TSPAN13: variants seen among roughly 807,000 people sequenced by gnomAD.
TSPAN13 encodes tetraspanin-13.
In TSPAN13, 18 loss-of-function variants were observed where a neutral mutation model predicts 26.9. That is an observed-to-expected ratio of 0.67 (90% CI 0.46 to 0.99). The LOEUF (loss-of-function observed/expected upper bound fraction) is 0.99. Ranked by LOEUF, TSPAN13 falls within the 50% of genes least tolerant of loss-of-function variation. The pLI, the probability that TSPAN13 is intolerant of heterozygous loss-of-function variation, is 0.00. For missense variants in TSPAN13, 201 were observed against 249.6 expected, an observed-to-expected ratio of 0.81 and a Z score of 1.31; for synonymous variants, 116 against 98.4, an observed-to-expected ratio of 1.18 and a Z score of -1.06.
At chr7:16,762,190 T>C (rs988102408) in intron 1 of TSPAN13, among the ~76,000 whole-genome samples, 5 of 152,250 alleles carry the variant, frequency 3.3e-5, no homozygotes, top group Non-Finnish European at 4.4e-5. Flanking sequence ...ATATGGAACA[T>C]CATTAGGCTG....
At chr7:16,771,064 A>G (rs972758382) in intron 1 of TSPAN13, among the ~76,000 whole-genome samples, 2 of 152,202 alleles carry the variant, frequency 1.3e-5, no homozygotes, top group African/African-American at 4.8e-5. Flanking sequence ...CTCTGCTATG[A>G]AACCTAAATC....
At chr7:16,759,041 A>G (rs754538179) in intron 1 of TSPAN13, among the ~76,000 whole-genome samples, 3 of 152,204 alleles carry the variant, frequency 2.0e-5, no homozygotes, top group African/African-American at 4.8e-5. Flanking sequence ...AGTAAATTAT[A>G]TATCGTATTA....
chr7:16,769,301 A>G (rs1330096931), intron 1 of TSPAN13, among the ~76,000 whole-genome samples: 1 of 152,204 alleles, frequency 6.6e-6, no homozygotes, highest in South Asian at 2.1e-4. Flanking sequence ...CAGGACAGTT[A>G]GATTGAACCA....
intron 3 of TSPAN13, 48 bp downstream of exon 3, chr7:16,777,170 G>C: frequency 7.4e-7 from 1 of 1,359,984 alleles, no homozygotes; most frequent in Non-Finnish European, 1.0e-6. Flanking sequence ...CATAGCATGA[G>C]TATGAAAAAA....
chr7:16,778,984 T>C lies in TSPAN13; in HGVS notation c.427-19T>C. 1 of 1,550,218 alleles carries C rather than the reference T, an allele frequency of 6.5e-7. No homozygotes were observed. On this transcript the variant is annotated intron_variant, in intron 4 of 5. Coordinates refer to ENST00000262067, the MANE Select transcript of TSPAN13 (RefSeq NM_014399.4). ...AAATGTATTTTGAAATAAAGGTTTT[T>C]TTACTTTAATTGGTGCAGAGCTGTG...
chr7:16,758,906 A>G (rs977540875), intron 1 of TSPAN13, among the ~76,000 whole-genome samples: 61 of 152,186 alleles, frequency 4.0e-4, no homozygotes, highest in Non-Finnish European at 1.3e-4. Context: ...GATGTGCCCA[A>G]GTTATTTTCT....
chr7:16,776,209 A>G lies in TSPAN13; in HGVS notation c.64-2A>G, dbSNP rs1316023686. On this transcript the variant is annotated splice_acceptor_variant, in intron 1 of 5. Coordinates refer to ENST00000262067, the MANE Select transcript of TSPAN13 (RefSeq NM_014399.4). LOFTEE classifies it high-confidence loss of function. ...ACCCCTGCCCCCTGGGTGTTTTTGC[A>G]GTTGGTTAGTCTGCTGCTAATTGGA... is the stretch of plus-strand genomic sequence containing the variant. The G allele has an allele frequency of 6.2e-7, 1 of 1,611,380 alleles. No homozygotes were observed. Among genetic ancestry groups the G allele is most frequent in the East Asian group, 2.2e-5 (1 of 44,816 alleles).
chr7:16,765,634 T>C (rs1431321341), intron 1 of TSPAN13, among the ~76,000 whole-genome samples: 1 of 152,208 alleles, frequency 6.6e-6, no homozygotes, highest in East Asian at 1.9e-4. Flanking sequence ...TCTTTTTATA[T>C]GATTCACCTT....
chr7:16,779,407 A>T (rs560049257), intron 5 of TSPAN13, among the ~76,000 whole-genome samples: 3 of 152,130 alleles, frequency 2.0e-5, no homozygotes, highest in Non-Finnish European at 4.4e-5. Flanking sequence ...TGTGTGATGA[A>T]TTATAATTTT....
At chr7:16,761,382 G>A (rs1007431122) in intron 1 of TSPAN13, among the ~76,000 whole-genome samples, 6 of 152,202 alleles carry the variant, frequency 3.9e-5, no homozygotes, top group Admixed American at 2.6e-4. Context: ...GTTTGGCATC[G>A]TAGAAACATG....
In TSPAN13 at chr7:16,754,026, A is replaced by G; in HGVS notation, c.59A>G (p.Tyr20Cys). The change falls in exon 1 of 6, where the codon TAC becomes TGC. Residue 20 changes from tyrosine (Y) to cysteine (C), a missense_variant. Transcript: ENST00000262067. ...KNCLCALNLL[Y>C]TLVSLLLIGI... ...TGCCTGTGCGCCCTCAACCTGCTTT[A>G]CACCGTGAGTATCCCCAGTCCGTTC... is the stretch of plus-strand genomic sequence containing the variant. The G allele has an allele frequency of 6.2e-7, 1 of 1,613,712 alleles. No individual in the cohort carries two copies. The highest frequency in any genetic ancestry group is 8.5e-7 in the Non-Finnish European group (1 of 1,179,808).
chr7:16,762,576 A>G (rs1233563739), intron 1 of TSPAN13, among the ~76,000 whole-genome samples: 1 of 152,188 alleles, frequency 6.6e-6, no homozygotes, highest in Admixed American at 6.5e-5. Flanking sequence ...CTTTAAAACC[A>G]AGACCACAAT....
chr7:16,770,473 G>C (rs888461642), intron 1 of TSPAN13, among the ~76,000 whole-genome samples: 6 of 152,202 alleles, frequency 3.9e-5, no homozygotes, highest in African/African-American at 1.4e-4. Flanking sequence ...GCCTCCCAAA[G>C]TGTTGGGATT....
At chr7:16,768,484 C>G (rs1025368680) in intron 1 of TSPAN13, among the ~76,000 whole-genome samples, 3 of 152,322 alleles carry the variant, frequency 2.0e-5, no homozygotes, top group African/African-American at 7.2e-5. Flanking sequence ...GCAACAGTAC[C>G]TACCTCTTAG....
Position 16,754,063 on chromosome 7 carries a change from G to A in TSPAN13, c.63+33G>A, listed in dbSNP as rs144983192. 2.8e-3 allele frequency: 4,429 copies of A among 1,608,158 alleles called. 22 individuals are homozygous for A. Among genetic ancestry groups the A allele is most frequent in the Non-Finnish European group, 2.2e-3 (2,558 of 1,176,558 alleles). Reference sequence around the variant, plus strand: ...TCCCCAGTCCGTTCCTGCTCGCTTGGGGGCTTTGCACCTGCTTGGGAGCTC... The same window carrying A: ...TCCCCAGTCCGTTCCTGCTCGCTTGAGGGCTTTGCACCTGCTTGGGAGCTC... On this transcript the variant is annotated intron_variant, in intron 1 of 5. Transcript: ENST00000262067.
At chr7:16,758,788 G>A (rs1423706263) in intron 1 of TSPAN13, among the ~76,000 whole-genome samples, 2 of 150,490 alleles carry the variant, frequency 1.3e-5, no homozygotes, top group African/African-American at 2.5e-5. Context: ...CCTTTCAAAC[G>A]TGTCTGTGGG....
Position 16,783,452 on chromosome 7 carries a change from C to T in TSPAN13, c.576C>T (p.Asn192=). 1.2e-6 allele frequency: 2 copies of T among 1,613,706 alleles called. No homozygotes were observed. Among genetic ancestry groups the T allele is most frequent in the Non-Finnish European group, 1.7e-6 (2 of 1,179,798 alleles). Residue 192 remains asparagine, a synonymous_variant, in exon 6 of 6, where the codon AAC becomes AAT. Transcript: ENST00000262067. ...TTTGGCTGACCTACAGATACAGGAACCAGAAAGACCCCCGCGCGAATCCTA... is the reference window on the plus strand; with the variant it reads ...TTTGGCTGACCTACAGATACAGGAATCAGAAAGACCCCCGCGCGAATCCTA... ...LGVWLTYRYR[N]QKDPRANPSA... is the part of the protein sequence containing the mutation.
intron 1 of TSPAN13, among the ~76,000 whole-genome samples, chr7:16,756,246 A>T (rs74880675): frequency 0.02 from 3,054 of 152,272 alleles, 26 homozygotes; most frequent in South Asian, 0.041. Flanking sequence ...GATGGGATTG[A>T]GCATGAAGAC....
At chr7:16,768,705 T>C (rs567683814) in intron 1 of TSPAN13, among the ~76,000 whole-genome samples, 11 of 152,154 alleles carry the variant, frequency 7.2e-5, no homozygotes, top group Non-Finnish European at 1.6e-4. Context: ...ATTAATAATA[T>C]CAGTTTTCAA....
Sources: gnomAD v4.1 joint callset for allele counts (sites outside exome capture counted in the v4.1 genomes callset) on GRCh38, gnomAD v4.1.1 for gene constraint, MANE v1.5 for transcripts, NCBI Gene and HGNC (gene_info 2026-07-23, HGNC 2026-07-21) for gene names.